The following RAP2A variants were observed in gnomAD, a reference collection of about 807,000 sequenced individuals.
The protein encoded by RAP2A is ras-related protein Rap-2a.
Under a neutral mutation model 15.1 loss-of-function variants are expected in RAP2A, and 5 were observed. The observed-to-expected ratio is 0.33, with a 90% CI of 0.17 to 0.70. RAP2A has a LOEUF of 0.70. Among genes scored for constraint, RAP2A ranks in the 30% least tolerant of loss-of-function variants. The pLI is 0.68. For synonymous variants in RAP2A, 110 were observed against 99.7 expected (o/e 1.10, Z -0.62); for missense variants, 111 against 240.3 (o/e 0.46, Z 3.56).
intron 1 of RAP2A, among the ~76,000 whole-genome samples, chr13:97,439,164 G>A (rs900804754): frequency 2.0e-5 from 3 of 152,140 alleles, no homozygotes; most frequent in African/African-American, 7.2e-5. Context: ...GAAGTGTGAG[G>A]GGAGGTAAGG....
chr13:97,453,005 A>G (rs1346719040), intron 1 of RAP2A, among the ~76,000 whole-genome samples: 1 of 151,230 alleles, frequency 6.6e-6, no homozygotes, highest in Non-Finnish European at 1.5e-5. Flanking sequence ...CTTACTTTTT[A>G]AAACACTTTA....
At chr13:97,452,910 G>A (rs1429686270) in intron 1 of RAP2A, among the ~76,000 whole-genome samples, 1 of 150,876 alleles carries the variant, frequency 6.6e-6, no homozygotes, top group Non-Finnish European at 1.5e-5. Flanking sequence ...TACTGTAAAT[G>A]GTTCATTTTA....
intron 1 of RAP2A, among the ~76,000 whole-genome samples, chr13:97,458,259 G>A (rs751801327): frequency 6.6e-6 from 1 of 152,136 alleles, no homozygotes; most frequent in African/African-American, 2.4e-5. Context: ...CAAATTCAAA[G>A]AGAATTATAT....
rs561531690 is a variant in RAP2A at position 97,454,718 on chromosome 13, C to T, written c.315-9487C>T. Reference sequence around the variant, plus strand: ...ACATAGTATTTACTATTTTTCTTTCCTCATTTTTAAAATTGCAAGATTGCT... The same window carrying T: ...ACATAGTATTTACTATTTTTCTTTCTTCATTTTTAAAATTGCAAGATTGCT... On this transcript the variant is annotated intron_variant, in intron 1 of 1. Coordinates refer to ENST00000245304, the MANE Select transcript of RAP2A (RefSeq NM_021033.7). Among the ~76,000 whole-genome samples, 36 of 151,166 alleles carry T rather than the reference C, an allele frequency of 2.4e-4. 2 individuals are homozygous for T. The highest frequency in any genetic ancestry group is 3.7e-4 in the Non-Finnish European group (25 of 67,720).
chr13:97,442,906 A>G (rs1356116606), intron 1 of RAP2A, among the ~76,000 whole-genome samples: 3 of 152,218 alleles, frequency 2.0e-5, no homozygotes, highest in Non-Finnish European at 4.4e-5. Context: ...AAGATATAGC[A>G]TATCTTTTGA....
At chr13:97,456,880 C>T (rs1171373330) in intron 1 of RAP2A, among the ~76,000 whole-genome samples, 1 of 152,070 alleles carries the variant, frequency 6.6e-6, no homozygotes, top group Non-Finnish European at 1.5e-5. Flanking sequence ...CAAAACAAGT[C>T]AGGTTGGAGG....
intron 1 of RAP2A, among the ~76,000 whole-genome samples, chr13:97,453,282 C>T (rs1025380906): frequency 6.6e-6 from 1 of 151,218 alleles, no homozygotes; most frequent in African/African-American, 2.4e-5. Context: ...AGTACAATAT[C>T]ACAAACAGAA....
chr13:97,462,360 G>GTGTC (rs2066751619), intron 1 of RAP2A, among the ~76,000 whole-genome samples: 1 of 152,130 alleles, frequency 6.6e-6, no homozygotes, highest in Non-Finnish European at 1.5e-5. Flanking sequence ...ATGGCTGGCA[G>GTGTC]TGTCTGCTCC....
chr13:97,465,467 T>G lies in RAP2A; in HGVS notation c.*1025T>G, dbSNP rs2066766634. 1 of 152,678 alleles carries G rather than the reference T, an allele frequency of 6.5e-6. No individual in the cohort carries two copies. Among genetic ancestry groups the G allele is most frequent in the African/African-American group, 2.4e-5 (1 of 41,458 alleles). The allele number at this position is 152,678 out of a possible 1,614,324, so 9.5% of individuals were successfully genotyped here. The stretch of plus-strand genomic sequence containing the variant: ...GTTGTAGTGTGACCCGTGGCTAACC[T>G]GCTTTCAAAATCAAGTATTTGCTGT... On this transcript the variant is annotated 3_prime_UTR_variant, in exon 2 of 2. Transcript: ENST00000245304.
At position 97,464,803 on chromosome 13, in the gene RAP2A, A is replaced by G; in HGVS notation, c.*361A>G. The stretch of plus-strand genomic sequence containing the variant: ...GGGAGAAACCAGAAGAATTCCTCTG[A>G]CCACTTACAATTAAAATATTTTGTC... On this transcript the variant is annotated 3_prime_UTR_variant, in exon 2 of 2. Transcript: ENST00000245304. 1 of 189,470 alleles carries G rather than the reference A, an allele frequency of 5.3e-6. No individual in the cohort carries two copies. 11.7% of individuals were successfully genotyped at this position (189,470 alleles called of 1,614,324 possible).
Position 97,434,323 on chromosome 13 carries a change from C to A in RAP2A, c.-148C>A. 1 of 496,164 alleles carries A rather than the reference C, an allele frequency of 2.0e-6. No homozygotes were observed. The highest frequency in any genetic ancestry group is 2.6e-6 in the Non-Finnish European group (1 of 388,130). 30.7% of individuals were successfully genotyped at this position (496,164 alleles called of 1,614,324 possible). ...CTCCCTCAGTTGCCGCCGCCGCCGC[C>A]GGCGCCCAGGGGGCCGCCGCGGCTG... is the stretch of plus-strand genomic sequence containing the variant. On this transcript the variant is annotated 5_prime_UTR_variant, in exon 1 of 2. Transcript: ENST00000245304.
intron 1 of RAP2A, among the ~76,000 whole-genome samples, chr13:97,451,955 G>A (rs2066703833): frequency 6.6e-6 from 1 of 150,818 alleles, no homozygotes; most frequent in Non-Finnish European, 1.5e-5. Flanking sequence ...ACCCATTCAG[G>A]TCTTTTGTCC....
At chr13:97,453,272 A>G (rs918691172) in intron 1 of RAP2A, among the ~76,000 whole-genome samples, 1 of 151,270 alleles carries the variant, frequency 6.6e-6, no homozygotes, top group African/African-American at 2.4e-5. Context: ...GCAAAACTGT[A>G]GTACAATATC....
rs1400719244 is a variant in RAP2A at position 97,434,196 on chromosome 13, C to G, written c.-275C>G. On this transcript the variant is annotated 5_prime_UTR_variant, in exon 1 of 2. Transcript: ENST00000245304. ...TGCGGGCCCGCGGCTCGGGCGGCACCAGCGGCTCCCGGTCTCTCTCTCTGC... is the reference window on the plus strand; with the variant it reads ...TGCGGGCCCGCGGCTCGGGCGGCACGAGCGGCTCCCGGTCTCTCTCTCTGC... The G allele has an allele frequency of 6.9e-6, 1 of 145,754 alleles. No homozygotes were observed. Among genetic ancestry groups the G allele is most frequent in the Non-Finnish European group, 1.5e-5 (1 of 65,868 alleles). The allele number at this position is 145,754 out of a possible 1,614,324, so 9.0% of individuals were successfully genotyped here.
chr13:97,445,685 G>A (rs1219519434), intron 1 of RAP2A, among the ~76,000 whole-genome samples: 1 of 151,872 alleles, frequency 6.6e-6, no homozygotes, highest in East Asian at 1.9e-4. Context: ...GCTGCTGTGT[G>A]GAGCTCTGTG....
chr13:97,449,506 G>A (rs2066693242), intron 1 of RAP2A, among the ~76,000 whole-genome samples: 1 of 152,106 alleles, frequency 6.6e-6, no homozygotes, highest in East Asian at 1.9e-4. Flanking sequence ...CATTACACCT[G>A]ATCATGCTTA....
At chr13:97,443,872 T>G (rs186610475) in intron 1 of RAP2A, among the ~76,000 whole-genome samples, 59 of 152,344 alleles carry the variant, frequency 3.9e-4, no homozygotes, top group African/African-American at 1.3e-3. Context: ...AAGTTGACAT[T>G]CCTTGCATTT....
At chr13:97,454,612 C>A (rs2066715357) in intron 1 of RAP2A, among the ~76,000 whole-genome samples, 1 of 151,114 alleles carries the variant, frequency 6.6e-6, no homozygotes, top group South Asian at 2.1e-4. Context: ...CCACCTATAT[C>A]AAAATCCTCA....
chr13:97,434,701 C>T lies in RAP2A; in HGVS notation c.231C>T (p.Gly77=). The T allele has an allele frequency of 1.9e-6, 3 of 1,614,132 alleles. No homozygotes were observed. Among genetic ancestry groups the T allele is most frequent in the East Asian group, 2.2e-5 (1 of 44,868 alleles). The change falls in exon 1 of 2, where the codon GGC becomes GGT. Residue 77 remains glycine, a synonymous_variant. Transcript: ENST00000245304. ...MRDLYIKNGQ[G]FILVYSLVNQ... ...ACCTGTACATCAAGAACGGCCAGGG[C>T]TTCATCCTCGTCTACAGCCTCGTCA...
Sources: allele counts gnomAD v4.1 joint callset (sites outside exome capture counted in the v4.1 genomes callset), GRCh38; gene constraint gnomAD v4.1.1; transcripts MANE v1.5; gene names NCBI Gene and HGNC (gene_info 2026-07-23, HGNC 2026-07-21).